Variants in TRPT1 observed in about 807,000 individuals in gnomAD.
The protein encoded by TRPT1 is tRNA 2'-phosphotransferase 1.
In TRPT1, 22 loss-of-function variants were observed where a neutral mutation model predicts 28.4. The ratio of observed to expected loss-of-function variants is 0.78; its 90% confidence interval spans 0.55 to 1.11. The LOEUF is 1.11. Ranked by LOEUF, TRPT1 falls within the 50% of genes least tolerant of loss-of-function variation. The probability of loss-of-function intolerance (pLI) is 0.00; values close to 1 mark genes in which losing one functional copy is unlikely to be tolerated. For synonymous variants in TRPT1, 137 were observed against 132.4 expected (o/e 1.03, Z -0.24); for missense variants, 308 against 317.7 (o/e 0.97, Z 0.23).
intron 3 of TRPT1, 88 bp downstream of exon 3, chr11:64,225,411 G>T (rs1946935278): frequency 9.0e-7 from 1 of 1,105,810 alleles, no homozygotes; most frequent in Non-Finnish European, 1.3e-6. Context: ...TCCTCAGGGA[G>T]CGGTGGAGGC....
At position 64,225,709 on chromosome 11, in the gene TRPT1, A is replaced by G. The variant is rs562590290; in HGVS notation, c.75+77T>C. The G allele has an allele frequency of 7.9e-6, 11 of 1,386,998 alleles. No homozygotes were observed. In the South Asian group the frequency reaches 1.2e-4, roughly 16 times the overall value. 85.9% of individuals were successfully genotyped at this position (1,386,998 alleles called of 1,614,324 possible). A position where few individuals can be genotyped will look rare whatever the true frequency, so the allele number is the denominator to read the frequency against. ...AGTGCCAGTGGTCTCCAGGAATAGTAGGACCCTTCAGCTCCGCCCCCCAGC... is the reference window on the plus strand; with the variant it reads ...AGTGCCAGTGGTCTCCAGGAATAGTGGGACCCTTCAGCTCCGCCCCCCAGC... On this transcript the variant is annotated intron_variant, in intron 2 of 7. Coordinates refer to ENST00000317459, the MANE Select transcript of TRPT1 (RefSeq NM_001033678.4).
chr11:64,224,744 C>T, intron 4 of TRPT1, 27 bp from the exon 5 acceptor site: 8 of 1,603,520 alleles, frequency 5.0e-6, no homozygotes, highest in Non-Finnish European at 6.8e-6. Flanking sequence ...CAGTGAGACC[C>T]CCTTCGCAGG....
At chr11:64,225,113 T>G in intron 3 of TRPT1, 143 bp from the exon 4 acceptor site, 1 of 926,754 alleles carries the variant, frequency 1.1e-6, no homozygotes, top group East Asian at 2.7e-5. Context: ...GTCTCCCCTT[T>G]CTGGGCCGCA....
rs778666111 is a variant in TRPT1, at chr11:64,224,300, G to A, written c.544C>T (p.Pro182Ser). Residue 182 changes from proline (P) to serine (S), a missense_variant, in exon 6 of 8, where the codon CCC becomes TCC. Physicochemically the swap from Pro to Ser is moderately conservative, Grantham distance 74. Coordinates refer to ENST00000317459, the MANE Select transcript of TRPT1 (RefSeq NM_001033678.4). ...HCEIAVFIDG[P>S]LALADGIPFF... is the part of the protein sequence containing the mutation. ...CCAGACTCACCTGCCAGAGCCAGGG[G>A]TCCATCGATGAACACAGCTATTTCA... 1.9e-6 allele frequency: 3 copies of A among 1,613,744 alleles called. No individual in the cohort carries two copies. Among genetic ancestry groups the A allele is most frequent in the African/African-American group, 2.7e-5 (2 of 74,932 alleles).
Position 64,224,703 on chromosome 11 carries a change from C to A in TRPT1, c.342G>T (p.Glu114Asp). ...CCTGCGGTGTCTCCAGGGGCATCAG[C>A]TCCAACTTAGGTACCTGGTTGAACG... The part of the protein sequence containing the change: ...QGHSLQVPKL[E>D]LMPLETPQAL... The change falls in exon 5 of 8, where the codon GAG becomes GAT. Residue 114 changes from glutamate to aspartate, a missense_variant. Coordinates refer to ENST00000317459, the MANE Select transcript of TRPT1 (RefSeq NM_001033678.4). The A allele has an allele frequency of 6.3e-7, 1 of 1,596,752 alleles. No homozygotes were observed. Among genetic ancestry groups the A allele is most frequent in the South Asian group, 1.1e-5 (1 of 88,340 alleles).
Position 64,224,141 on chromosome 11 carries a change from A to T in TRPT1, c.629T>A (p.Leu210His). 6.2e-7 allele frequency: 1 copy of T among 1,607,484 alleles called. No individual in the cohort carries two copies. The highest frequency in any genetic ancestry group is 1.1e-5 in the South Asian group (1 of 90,590). Reference protein sequence around the residue: ...LTPGNTDGFLLPKYFKEALQL... With the variant: ...LTPGNTDGFLHPKYFKEALQL... Reference sequence around the variant, plus strand: ...CAGGGCCTCCTTGAAGTACTTGGGAAGGAGGAAGCCATCAGTATTCCCTGG... The same window carrying T: ...CAGGGCCTCCTTGAAGTACTTGGGATGGAGGAAGCCATCAGTATTCCCTGG... Residue 210 changes from leucine to histidine, a missense_variant, in exon 7 of 8, where the codon CTT becomes CAT. Transcript: ENST00000317459.
chr11:64,224,845 T>C lies in TRPT1; in HGVS notation c.283A>G (p.Ser95Gly). The C allele has an allele frequency of 1.2e-6, 2 of 1,613,580 alleles. No homozygotes were observed. The highest frequency in any genetic ancestry group is 8.5e-7 in the Non-Finnish European group (1 of 1,179,970). Residue 95 changes from serine to glycine, a missense_variant, in exon 4 of 8, where the codon AGC becomes GGC. Coordinates refer to ENST00000317459, the MANE Select transcript of TRPT1 (RefSeq NM_001033678.4). ...QRFALQLGDP[S>G]TGLLIRANQG... Reference sequence around the variant, plus strand: ...TTGGCCCGGATGAGAAGGCCAGTGCTGGGATCCCCCAGCTGCAGGGCGAAC... The same window carrying C: ...TTGGCCCGGATGAGAAGGCCAGTGCCGGGATCCCCCAGCTGCAGGGCGAAC...
chr11:64,225,710 G>A, intron 2 of TRPT1, 76 bp downstream of exon 2: 1 of 1,391,360 alleles, frequency 7.2e-7, no homozygotes, highest in Non-Finnish European at 9.9e-7. Flanking sequence ...AGGAATAGTA[G>A]GACCCTTCAG....
chr11:64,226,194 C>A, upstream of TRPT1: 1 of 415,866 alleles, frequency 2.4e-6, no homozygotes, highest in Non-Finnish European at 4.1e-6. Flanking sequence ...GACAAACCTC[C>A]AGGATCCTCG....
Position 64,224,713 on chromosome 11 carries a change from G to C in TRPT1, c.332C>G (p.Pro111Arg). Residue 111 changes from proline to arginine, a missense_variant, in exon 5 of 8, where the codon CCT becomes CGT. Pro to Arg is a moderately radical substitution (Grantham distance 103, BLOSUM62 -2). Transcript: ENST00000317459. The stretch of plus-strand genomic sequence containing the variant: ...CTCCAGGGGCATCAGCTCCAACTTA[G>C]GTACCTGGTTGAACGGGTAGCAGTG... Reference protein sequence around the residue: ...RANQGHSLQVPKLELMPLETP... With the variant: ...RANQGHSLQVRKLELMPLETP... 1 of 1,596,776 alleles carries C rather than the reference G, an allele frequency of 6.3e-7. No homozygotes were observed. The highest frequency in any genetic ancestry group is 1.1e-5 in the South Asian group (1 of 88,688).
rs151148339 is a variant in TRPT1, at chr11:64,224,816, C to T, written c.312G>A (p.Gln104=). 10 of 1,613,858 alleles carry T rather than the reference C, an allele frequency of 6.2e-6. No individual in the cohort carries two copies. In the African/African-American group the frequency reaches 1.1e-4, roughly 17 times the overall value. Reference sequence around the variant, plus strand: ...TCACCCCGACCTGCAGGGAATGGCCCTGGTTGGCCCGGATGAGAAGGCCAG... The same window carrying T: ...TCACCCCGACCTGCAGGGAATGGCCTTGGTTGGCCCGGATGAGAAGGCCAG... ...PSTGLLIRAN[Q]GHSLQVPKLE... The change falls in exon 4 of 8, where the codon CAG becomes CAA. Residue 104 remains glutamine, a synonymous_variant. Coordinates refer to ENST00000317459, the MANE Select transcript of TRPT1 (RefSeq NM_001033678.4).
chr11:64,224,296 A>C lies in TRPT1; in HGVS notation c.548T>G (p.Leu183Arg). Residue 183 changes from leucine to arginine, a missense_variant, in exon 6 of 8, where the codon CTG becomes CGG. By Grantham distance (102) the Leu-to-Arg change is moderately radical (BLOSUM62 -2). Coordinates refer to ENST00000317459, the MANE Select transcript of TRPT1 (RefSeq NM_001033678.4). ...CEIAVFIDGP[L>R]ALADGIPFFR... Reference sequence around the variant, plus strand: ...TTGTCCAGACTCACCTGCCAGAGCCAGGGGTCCATCGATGAACACAGCTAT... The same window carrying C: ...TTGTCCAGACTCACCTGCCAGAGCCCGGGGTCCATCGATGAACACAGCTAT... The C allele has an allele frequency of 6.2e-7, 1 of 1,613,900 alleles. No individual in the cohort carries two copies. The highest frequency in any genetic ancestry group is 8.5e-7 in the Non-Finnish European group (1 of 1,180,034).
chr11:64,224,636 A>T lies in TRPT1; in HGVS notation c.409T>A (p.Trp137Arg), dbSNP rs1414555502. The change falls in exon 5 of 8, where the codon TGG becomes AGG. Residue 137 changes from tryptophan to arginine, a missense_variant. Coordinates refer to ENST00000317459, the MANE Select transcript of TRPT1 (RefSeq NM_001033678.4). ...MLVHGTFWKHWPSILLKGLSC... is the reference protein window; with the variant it reads ...MLVHGTFWKHRPSILLKGLSC... ...AGGCCTTTGAGTAGGATGGATGGCC[A>T]GTGCTTCCAGAATGTACCATGGACT... The T allele has an allele frequency of 6.2e-7, 1 of 1,608,630 alleles. No homozygotes were observed. Among genetic ancestry groups the T allele is most frequent in the Admixed American group, 1.7e-5 (1 of 59,712 alleles).
At position 64,224,714 on chromosome 11, in the gene TRPT1, G is replaced by A. The variant is rs1946862539; in HGVS notation, c.331C>T (p.Pro111Ser). ...TCCAGGGGCATCAGCTCCAACTTAG[G>A]TACCTGGTTGAACGGGTAGCAGTGA... is the stretch of plus-strand genomic sequence containing the variant. ...RANQGHSLQVPKLELMPLETP... is the reference protein window; with the variant it reads ...RANQGHSLQVSKLELMPLETP... The change falls in exon 5 of 8, where the codon CCT becomes TCT. Residue 111 changes from proline to serine, a missense_variant. By Grantham distance (74) the Pro-to-Ser change is moderately conservative. Transcript: ENST00000317459. 1 of 1,596,834 alleles carries A rather than the reference G, an allele frequency of 6.3e-7. No individual in the cohort carries two copies. Among genetic ancestry groups the A allele is most frequent in the Non-Finnish European group, 8.6e-7 (1 of 1,169,392 alleles).
intron 5 of TRPT1, 54 bp downstream of exon 5, chr11:64,224,489 G>A: frequency 1.3e-6 from 2 of 1,571,320 alleles, no homozygotes; most frequent in Non-Finnish European, 1.7e-6. Flanking sequence ...CTTTGAAGGG[G>A]ACCTGGGAGG....
Position 64,224,730 on chromosome 11 carries a change from G to C in TRPT1, c.328-13C>G, listed in dbSNP as rs1220805702. ...CCAACTTAGGTACCTGGTTGAACGG[G>C]TAGCAGTGAGACCCCCTTCGCAGGC... On this transcript the variant is annotated splice_polypyrimidine_tract_variant and intron_variant, in intron 4 of 7. Coordinates refer to ENST00000317459, the MANE Select transcript of TRPT1 (RefSeq NM_001033678.4). The C allele has an allele frequency of 1.9e-6, 3 of 1,600,780 alleles. No homozygotes were observed. The highest frequency in any genetic ancestry group is 1.1e-5 in the South Asian group (1 of 89,412).
At chr11:64,226,214 G>GGGCGGGCGGCGC (rs71045750), upstream of TRPT1, 5 of 401,618 alleles carry the variant, frequency 1.2e-5, no homozygotes, top group African/African-American at 2.1e-5. Context: ...GACCGCGGCG[G>GGGCGGGCGGCGC]ACCCGCCAAT....
chr11:64,223,995 A>C (rs771006807), intron 7 of TRPT1, 28 bp from the exon 8 acceptor site: 1 of 1,602,350 alleles, frequency 6.2e-7, no homozygotes. Flanking sequence ...TGGTTAGAGA[A>C]AGGGACACCT....
chr11:64,225,780 G>T lies in TRPT1; in HGVS notation c.75+6C>A. ...TGGTGGGAGGGGGTGGGGAGGAGGC[G>T]CGCACCTGTTCTCGGGGTCTGGGAG... On this transcript the variant is annotated splice_donor_region_variant and intron_variant, in intron 2 of 7. Coordinates refer to ENST00000317459, the MANE Select transcript of TRPT1 (RefSeq NM_001033678.4). 6.5e-7 allele frequency: 1 copy of T among 1,547,504 alleles called. No homozygotes were observed. The highest frequency in any genetic ancestry group is 2.4e-5 in the East Asian group (1 of 41,454).
Sources: gnomAD v4.1 joint callset for allele counts on GRCh38, gnomAD v4.1.1 for gene constraint, MANE v1.5 for transcripts, NCBI Gene and HGNC (gene_info 2026-07-23, HGNC 2026-07-21) for gene names.